DIP2C: variants seen among roughly 807,000 people sequenced by gnomAD.
DIP2C encodes disco-interacting protein 2 homolog C.
Under a neutral mutation model 192.4 loss-of-function variants are expected in DIP2C, and 33 were observed. The ratio of observed to expected loss-of-function variants is 0.17; its 90% confidence interval spans 0.13 to 0.23. The LOEUF (loss-of-function observed/expected upper bound fraction) is 0.23. DIP2C is among the 10% of genes least tolerant of loss of function. DIP2C has a pLI of 1.00. For synonymous variants in DIP2C, 979 were observed against 864.1 expected (o/e 1.13, Z -2.33); for missense variants, 1,537 against 2,110.1 (o/e 0.73, Z 5.32).
chr10:606,759 G>A (rs941664979), intron 1 of DIP2C, among the ~76,000 whole-genome samples: 36 of 152,170 alleles, frequency 2.4e-4, no homozygotes, highest in Non-Finnish European at 1.2e-4. Context: ...CTTAAAGAAC[G>A]TTTCTATAAC....
At chr10:608,137 A>ACCCC (rs1240726004) in intron 1 of DIP2C, among the ~76,000 whole-genome samples, 10 of 99,030 alleles carry the variant, frequency 1.0e-4, no homozygotes, top group African/African-American at 5.2e-4. Context: ...CCCAACACAC[A>ACCCC]CACAGCCCCC....
intron 1 of DIP2C, among the ~76,000 whole-genome samples, chr10:579,974 A>G (rs896095931): frequency 2.0e-5 from 3 of 151,662 alleles, no homozygotes; most frequent in Non-Finnish European, 2.9e-5. Flanking sequence ...GCCATAGCCA[A>G]TGTACATATA....
At chr10:580,206 A>G (rs1449122852) in intron 1 of DIP2C, among the ~76,000 whole-genome samples, 1 of 149,064 alleles carries the variant, frequency 6.7e-6, no homozygotes, top group African/African-American at 2.5e-5. Flanking sequence ...ATATGCACAT[A>G]TATATAATGT....
chr10:421,740 G>A (rs1966196495), intron 5 of DIP2C, among the ~76,000 whole-genome samples: 1 of 152,108 alleles, frequency 6.6e-6, no homozygotes, highest in Admixed American at 6.5e-5. Flanking sequence ...AAAAAGAAAT[G>A]GTTTTTTTCA....
chr10:648,867 A>G (rs1395433022), intron 1 of DIP2C, among the ~76,000 whole-genome samples: 3 of 149,562 alleles, frequency 2.0e-5, no homozygotes, highest in Non-Finnish European at 4.5e-5. Flanking sequence ...AACTGAGTCC[A>G]CGTCAACATT....
chr10:593,364 A>C (rs1245068687), intron 1 of DIP2C, among the ~76,000 whole-genome samples: 1 of 151,982 alleles, frequency 6.6e-6, no homozygotes, highest in East Asian at 1.9e-4. Context: ...ATGTTTTCCC[A>C]ACATCACCTT....
rs148331146 is a variant in DIP2C at position 637,344 on chromosome 10, T to C, written c.85+52150A>G. Among the ~76,000 whole-genome samples, 282 of 137,232 alleles carry C rather than the reference T, an allele frequency of 2.1e-3. 6 individuals carry two copies. Among genetic ancestry groups the C allele is most frequent in the African/African-American group, 9.1e-3 (264 of 28,886 alleles). 90.0% of individuals were successfully genotyped at this position (137,232 alleles called of 152,430 possible). On this transcript the variant is annotated intron_variant, in intron 1 of 36. Transcript: ENST00000280886. ...CAACAGAAAATTCACAACCTGCCTT[T>C]GTCCACCTAGGCTGCTGTAACAACA...
intron 29 of DIP2C, among the ~76,000 whole-genome samples, chr10:334,020 A>G (rs1274741020): frequency 6.6e-6 from 1 of 152,176 alleles, no homozygotes; most frequent in African/African-American, 2.4e-5. Context: ...TGTTTATTAC[A>G]TAGGCTGGGT....
intron 26 of DIP2C, among the ~76,000 whole-genome samples, chr10:347,270 C>T (rs1335038651): frequency 2.4e-5 from 3 of 123,256 alleles, no homozygotes; most frequent in Non-Finnish European, 5.0e-5. Context: ...AACCCAGACA[C>T]ATCACGCATA....
rs11253037 is a variant in DIP2C at position 530,840 on chromosome 10, G to A, written c.86-44310C>T. Among the ~76,000 whole-genome samples the A allele has an allele frequency of 0.014, 2,181 of 152,118 alleles. 118 individuals carry two copies. In the East Asian group the frequency reaches 0.16, roughly 11 times the overall value. Reference sequence around the variant, plus strand: ...AGGAAGGTTGGCCCCAAAGCCCCACGGCACTAACTCCTGTACAGTTTGTTA... The same window carrying A: ...AGGAAGGTTGGCCCCAAAGCCCCACAGCACTAACTCCTGTACAGTTTGTTA... On this transcript the variant is annotated intron_variant, in intron 1 of 36. Transcript: ENST00000280886.
chr10:380,539 G>A (rs1445566675), intron 17 of DIP2C, among the ~76,000 whole-genome samples: 5 of 152,212 alleles, frequency 3.3e-5, no homozygotes, highest in Admixed American at 1.3e-4. Flanking sequence ...CAGAGGAAAC[G>A]GCCATCCTCG....
chr10:314,333 C>T (rs894742436), intron 31 of DIP2C, among the ~76,000 whole-genome samples: 1 of 152,168 alleles, frequency 6.6e-6, no homozygotes, highest in South Asian at 2.1e-4. Context: ...CTTGGTGCAG[C>T]CCTCCGTCGT....
chr10:317,292 AC>A lies in DIP2C; in HGVS notation c.3925-7201del, dbSNP rs1956816299. On this transcript the variant is annotated intron_variant, in intron 31 of 36. Transcript: ENST00000280886. ...CAAGCTGGTCATCAGGACCAGCCAA[AC>A]ACTGGCTTTCGTAAAGTTTGACTGA... Among the ~76,000 whole-genome samples, 3 of 152,330 alleles carry A rather than the reference AC, an allele frequency of 2.0e-5. No individual in the cohort carries two copies. In the South Asian group the frequency reaches 6.2e-4, roughly 32 times the overall value.
At chr10:443,847 T>G (rs532259707) in intron 3 of DIP2C, among the ~76,000 whole-genome samples, 4 of 151,984 alleles carry the variant, frequency 2.6e-5, no homozygotes, top group Non-Finnish European at 5.9e-5. Flanking sequence ...TCAAATAGAG[T>G]TCAGTGTTCA....
intron 1 of DIP2C, among the ~76,000 whole-genome samples, chr10:544,302 A>C (rs1273268907): frequency 6.6e-6 from 1 of 152,126 alleles, no homozygotes; most frequent in Non-Finnish European, 1.5e-5. Flanking sequence ...GCTGAGTGAT[A>C]CTCCATTGTG....
At chr10:369,001 C>T (rs1258110600) in intron 18 of DIP2C, among the ~76,000 whole-genome samples, 2 of 152,230 alleles carry the variant, frequency 1.3e-5, no homozygotes, top group African/African-American at 2.4e-5. Flanking sequence ...TGGGCGCTTC[C>T]TCATGCATCT....
At chr10:405,721 C>T (rs1964754508) in intron 9 of DIP2C, among the ~76,000 whole-genome samples, 2 of 152,122 alleles carry the variant, frequency 1.3e-5, no homozygotes, top group Admixed American at 1.3e-4. Flanking sequence ...TTCACTGTAC[C>T]TAATTATTCA....
intron 3 of DIP2C, among the ~76,000 whole-genome samples, chr10:465,158 A>G (rs903280173): frequency 6.5e-4 from 84 of 129,824 alleles, no homozygotes; most frequent in Admixed American, 3.3e-4. Context: ...GGCAAACCGA[A>G]TCCAGCAGCA....
intron 26 of DIP2C, 99 bp from the exon 27 acceptor site, chr10:345,209 T>A: frequency 8.6e-7 from 1 of 1,168,964 alleles, no homozygotes; most frequent in Admixed American, 2.0e-5. Context: ...ACTAAAACCA[T>A]GTAGCTTTAA....
Sources: gnomAD v4.1 joint callset for allele counts (sites outside exome capture counted in the v4.1 genomes callset) on GRCh38, gnomAD v4.1.1 for gene constraint, MANE v1.5 for transcripts, NCBI Gene and HGNC (gene_info 2026-07-23, HGNC 2026-07-21) for gene names.